DUSP16: variants seen among roughly 807,000 people sequenced by gnomAD.
DUSP16 encodes dual specificity phosphatase 16.
Under a neutral mutation model 58.3 loss-of-function variants are expected in DUSP16, and 21 were observed. The ratio of observed to expected loss-of-function variants is 0.36; its 90% CI spans 0.26 to 0.52. The LOEUF is 0.52. Among genes scored for constraint, DUSP16 ranks in the 20% least tolerant of loss-of-function variants. The pLI, the probability that DUSP16 is intolerant of heterozygous loss-of-function variation, is 0.94. For synonymous variants in DUSP16, 320 were observed against 323.8 expected, an observed-to-expected ratio of 0.99 and a Z score of 0.12; for missense variants, 726 against 819.0, an observed-to-expected ratio of 0.89 and a Z score of 1.39.
intron 1 of DUSP16, among the ~76,000 whole-genome samples, chr12:12,541,699 C>G (rs976120646): frequency 6.6e-6 from 1 of 152,100 alleles, no homozygotes; most frequent in African/African-American, 2.4e-5. Context: ...ACCACAAACC[C>G]TAGAGAGAAA....
At chr12:12,486,910 C>T in intron 5 of DUSP16, 118 bp downstream of exon 5, 1 of 1,257,276 alleles carries the variant, frequency 8.0e-7, no homozygotes, top group Non-Finnish European at 1.1e-6. Context: ...TGTTTTCAGA[C>T]TTTTGAAATC....
At chr12:12,508,639 G>A (rs1480262040) in intron 3 of DUSP16, among the ~76,000 whole-genome samples, 1 of 135,174 alleles carries the variant, frequency 7.4e-6, no homozygotes, top group East Asian at 2.0e-4. Flanking sequence ...AGAGTGGATA[G>A]ATACGCATTT....
At chr12:12,557,213 TGG>T (rs1046069942) in intron 1 of DUSP16, among the ~76,000 whole-genome samples, 2 of 152,068 alleles carry the variant, frequency 1.3e-5, no homozygotes, top group Non-Finnish European at 2.9e-5. Flanking sequence ...CCCAGCACTT[TGG>T]GAGGCCAAGG....
intron 3 of DUSP16, among the ~76,000 whole-genome samples, chr12:12,516,278 T>C (rs963636659): frequency 2.0e-5 from 3 of 152,080 alleles, no homozygotes; most frequent in Non-Finnish European, 4.4e-5. Context: ...TAGCTGGAAA[T>C]AGAGGGGTGC....
At chr12:12,535,237 G>A (rs1944448291) in intron 1 of DUSP16, among the ~76,000 whole-genome samples, 2 of 152,112 alleles carry the variant, frequency 1.3e-5, no homozygotes, top group Admixed American at 1.3e-4. Flanking sequence ...TCCCAGTAAC[G>A]CTGTTGTCTG....
chr12:12,509,542 C>T (rs1006060086), intron 3 of DUSP16, among the ~76,000 whole-genome samples: 2 of 151,764 alleles, frequency 1.3e-5, no homozygotes, highest in East Asian at 1.9e-4. Flanking sequence ...AGCTTAGAGG[C>T]TCTATAAAAT....
chr12:12,515,330 C>CTT (rs34048427), intron 3 of DUSP16, among the ~76,000 whole-genome samples: 2 of 138,742 alleles, frequency 1.4e-5, no homozygotes, highest in South Asian at 2.3e-4. Context: ...TATTAATATG[C>CTT]TTTTTTTTTT....
At chr12:12,552,755 C>T (rs954558751) in intron 1 of DUSP16, among the ~76,000 whole-genome samples, 1 of 152,060 alleles carries the variant, frequency 6.6e-6, no homozygotes, top group African/African-American at 2.4e-5. Context: ...TTCATAAAAG[C>T]ATATTATTTA....
intron 3 of DUSP16, among the ~76,000 whole-genome samples, chr12:12,509,345 A>G (rs1944043085): frequency 2.0e-5 from 3 of 149,926 alleles, no homozygotes; most frequent in African/African-American, 5.0e-5. Context: ...CACCTCTTCT[A>G]TAGCAGTATG....
chr12:12,542,797 A>T (rs1040769659), intron 1 of DUSP16, among the ~76,000 whole-genome samples: 4 of 152,180 alleles, frequency 2.6e-5, no homozygotes, highest in African/African-American at 9.7e-5. Flanking sequence ...TGTATGCAAG[A>T]CCAAATATTT....
chr12:12,521,238 TAA>T lies in DUSP16; in HGVS notation c.-142_-141del. On this transcript the variant is annotated 5_prime_UTR_variant, in exon 2 of 7. An upstream open reading frame in the 5' UTR gains an earlier in-frame stop. Coordinates refer to ENST00000298573, the MANE Select transcript of DUSP16 (RefSeq NM_030640.3). ...TGGTGGTGACTGGCAAAAGGAGAGT[TAA>T]ACCCATTTTCAGCAAGAGCCCTCCA... The T allele has an allele frequency of 6.9e-7, 1 of 1,457,492 alleles. No homozygotes were observed. Among genetic ancestry groups the T allele is most frequent in the Non-Finnish European group, 9.0e-7 (1 of 1,108,862 alleles). The allele number at this position is 1,457,492 out of a possible 1,614,324, so 90.3% of individuals were successfully genotyped here.
Position 12,478,129 on chromosome 12 carries a change from AGAT to A in DUSP16, c.816-117_816-115del, listed in dbSNP as rs1943494152. The A allele has an allele frequency of 5.1e-6, 5 of 988,250 alleles. No homozygotes were observed. In the South Asian group the frequency reaches 6.5e-5, roughly 13 times the overall value. 61.2% of individuals were successfully genotyped at this position (988,250 alleles called of 1,614,324 possible). ...TCAGGCAGACCTCAAAAACTTTGGA[AGAT>A]GATTGGTTTACAAGTTCGGGGAGAT... On this transcript the variant is annotated intron_variant, in intron 6 of 6. Coordinates refer to ENST00000298573, the MANE Select transcript of DUSP16 (RefSeq NM_030640.3).
chr12:12,534,431 G>A (rs1459314527), intron 1 of DUSP16, among the ~76,000 whole-genome samples: 1 of 152,116 alleles, frequency 6.6e-6, no homozygotes, highest in Non-Finnish European at 1.5e-5. Context: ...AGCCCCAGAC[G>A]GGAGTCGGAA....
intron 1 of DUSP16, among the ~76,000 whole-genome samples, chr12:12,530,100 A>G (rs1944363673): frequency 6.6e-6 from 1 of 152,170 alleles, no homozygotes; most frequent in Admixed American, 6.5e-5. Context: ...AGTGTTTTCC[A>G]TAATGGCTAT....
At chr12:12,518,758 G>C (rs1007735724) in intron 3 of DUSP16, among the ~76,000 whole-genome samples, 10 of 152,164 alleles carry the variant, frequency 6.6e-5, no homozygotes, top group Non-Finnish European at 1.3e-4. Context: ...TACATTCTAA[G>C]ACAAGCTGGC....
chr12:12,485,010 ATTTTTTTT>A (rs371113333), intron 5 of DUSP16, among the ~76,000 whole-genome samples: 1 of 125,062 alleles, frequency 8.0e-6, no homozygotes, highest in African/African-American at 2.9e-5. Flanking sequence ...TTTGTTTGTG[ATTTTTTTT>A]TTTTTTTTTG....
chr12:12,511,450 G>A (rs1650615468), intron 3 of DUSP16, among the ~76,000 whole-genome samples: 1 of 151,926 alleles, frequency 6.6e-6, no homozygotes, highest in African/African-American at 2.4e-5. Flanking sequence ...AATCCACTCT[G>A]GTCTGCTCAC....
chr12:12,486,481 A>AGTGT (rs56941943), intron 5 of DUSP16, among the ~76,000 whole-genome samples: 5,521 of 147,316 alleles, frequency 0.037, 102 homozygotes, highest in African/African-American at 0.046. Flanking sequence ...ACCAAATGAG[A>AGTGT]GTGTGTGTGT....
At chr12:12,529,423 T>A (rs1944352181) in intron 1 of DUSP16, among the ~76,000 whole-genome samples, 1 of 152,196 alleles carries the variant, frequency 6.6e-6, no homozygotes, top group Admixed American at 6.5e-5. Flanking sequence ...CTTTTTAAAT[T>A]AATGGATAAA....
Sources: allele counts gnomAD v4.1 joint callset (sites outside exome capture counted in the v4.1 genomes callset), GRCh38; gene constraint gnomAD v4.1.1; transcripts MANE v1.5; gene names NCBI Gene and HGNC (gene_info 2026-07-23, HGNC 2026-07-21).